The following AGO1 variants were observed in gnomAD, a reference collection of about 807,000 sequenced individuals.
AGO1 encodes the protein argonaute RISC component 1, also known as protein argonaute-1.
In AGO1, 11 loss-of-function variants were observed where a neutral mutation model predicts 109.2. The ratio of observed to expected loss-of-function variants is 0.10; its 90% confidence interval spans 0.06 to 0.17. AGO1 has a LOEUF of 0.17. Ranked by LOEUF, AGO1 falls within the 10% of genes least tolerant of loss-of-function variation. The pLI, the probability that AGO1 is intolerant of heterozygous loss-of-function variation, is 1.00. For missense variants in AGO1, 574 were observed against 1,140.3 expected (o/e 0.50, Z 7.15); for synonymous variants, 422 against 418.6 (o/e 1.01, Z -0.10).
chr1:35,870,120 A>G (rs947596850), intron 1 of AGO1, among the ~76,000 whole-genome samples: 2 of 151,956 alleles, frequency 1.3e-5, no homozygotes, highest in Non-Finnish European at 2.9e-5. Flanking sequence ...TTTATCACCC[A>G]AGCGTTCCTG....
At chr1:35,908,992 A>G (rs770867720) in intron 12 of AGO1, among the ~76,000 whole-genome samples, 8 of 151,776 alleles carry the variant, frequency 5.3e-5, no homozygotes, top group South Asian at 2.1e-4. Flanking sequence ...TAATTTTTAT[A>G]TTTTTAGTAC....
Position 35,901,905 on chromosome 1 carries a change from C to T in AGO1, c.1141-43C>T, listed in dbSNP as rs1645423460. The T allele has an allele frequency of 6.5e-7, 1 of 1,546,782 alleles. No individual in the cohort carries two copies. The highest frequency in any genetic ancestry group is 8.7e-7 in the Non-Finnish European group (1 of 1,147,326). The stretch of plus-strand genomic sequence containing the variant: ...GATACCCAGAGGGTGAGCAGTATTG[C>T]CAAGCTCCTGTTCTCCTGAGATTGC... On this transcript the variant is annotated intron_variant, in intron 9 of 18. Transcript: ENST00000373204. The surrounding 1 kb of genome is among the most constrained non-coding windows in gnomAD (Gnocchi z 4.8).
rs899277604 is a variant in AGO1, at chr1:35,902,999, CTTTT to C, written c.1397+683_1397+686del. ...AAGTCAACAACCCCTCACCTGGAGT[CTTTT>C]TTTTTTTTTTTTTTTTTTTTAAGAC... On this transcript the variant is annotated intron_variant, in intron 11 of 18. Coordinates refer to ENST00000373204, the MANE Select transcript of AGO1 (RefSeq NM_012199.5). 2.8e-4 allele frequency among the ~76,000 whole-genome samples: 31 copies of C among 108,792 alleles called. 1 individual carries two copies. Among genetic ancestry groups the C allele is most frequent in the African/African-American group, 9.9e-4 (29 of 29,370 alleles). 71.4% of individuals were successfully genotyped at this position (108,792 alleles called of 152,430 possible).
intron 11 of AGO1, among the ~76,000 whole-genome samples, chr1:35,904,796 G>A (rs572419351): frequency 6.6e-6 from 1 of 152,288 alleles, no homozygotes; most frequent in East Asian, 1.9e-4. Context: ...AGTAAGCAGA[G>A]ATTGAAGATA....
upstream of AGO1, among the ~76,000 whole-genome samples, chr1:35,879,709 TG>T (rs1364070365): frequency 9.3e-6 from 1 of 107,834 alleles, no homozygotes; most frequent in East Asian, 3.2e-4. Flanking sequence ...CACTCCAGCC[TG>T]GGCGACAGAG....
rs547802847 is a variant in AGO1 at position 35,883,335 on chromosome 1, C to T, written c.-87C>T. On this transcript the variant is annotated 5_prime_UTR_variant, in exon 1 of 19. Transcript: ENST00000373204. This position sits in a 1 kb window ranked among gnomAD's most constrained non-coding sequence, Gnocchi z 5.4. ...GGGGAGCCGAGCCCGGCCCGGGATC[C>T]CGAGCAGCGAGAGTGTGGGGTACCT... 3.0e-5 allele frequency: 46 copies of T among 1,537,860 alleles called. No homozygotes were observed. The East Asian group carries it at 1.1e-3, about 38-fold the overall frequency.
chr1:35,885,058 C>G (rs1462976111), intron 1 of AGO1, among the ~76,000 whole-genome samples: 2 of 145,194 alleles, frequency 1.4e-5, no homozygotes, highest in African/African-American at 5.0e-5. Flanking sequence ...TTAGTGATCT[C>G]TAAGTACTTA....
At chr1:35,908,783 T>C (rs1339401890) in intron 12 of AGO1, among the ~76,000 whole-genome samples, 1 of 151,802 alleles carries the variant, frequency 6.6e-6, no homozygotes, top group Non-Finnish European at 1.5e-5. Context: ...GCCCTGCTCT[T>C]GATCCACACT....
Position 35,895,163 on chromosome 1 carries a change from C to T in AGO1, c.914C>T (p.Thr305Ile). 1 of 1,613,892 alleles carries T rather than the reference C, an allele frequency of 6.2e-7. No homozygotes were observed. The highest frequency in any genetic ancestry group is 8.5e-7 in the Non-Finnish European group (1 of 1,179,910). ...QLESGQTVEC[T>I]VAQYFKQKYN... is the part of the protein sequence containing the mutation. Reference sequence around the variant, plus strand: ...GAGAGTGGACAGACTGTGGAGTGCACAGTGGCACAGTATTTCAAGCAGAAA... The same window carrying T: ...GAGAGTGGACAGACTGTGGAGTGCATAGTGGCACAGTATTTCAAGCAGAAA... The change falls in exon 8 of 19, where the codon ACA becomes ATA. Residue 305 changes from threonine (T) to isoleucine (I), a missense_variant. Physicochemically the swap from Thr to Ile is moderately conservative, Grantham distance 89 (BLOSUM62 -1). This residue lies in a region of AGO1 where 42 missense variants were observed against 142.4 expected (regional missense o/e 0.29). Coordinates refer to ENST00000373204, the MANE Select transcript of AGO1 (RefSeq NM_012199.5).
intron 8 of AGO1, among the ~76,000 whole-genome samples, chr1:35,897,186 A>G (rs1645335644): frequency 6.6e-6 from 1 of 152,336 alleles, no homozygotes; most frequent in South Asian, 2.1e-4. Flanking sequence ...GATAAGTGCT[A>G]TAAGAATAAT....
In AGO1 at chr1:35,893,492, C is replaced by T. The variant is rs906246971; in HGVS notation, c.513-182C>T. ...TATCTTTGGGCCTCATCCCATCTGT[C>T]CCTGCAGGGCAGAGAGAAGGTAGAA... On this transcript the variant is annotated intron_variant, in intron 4 of 18. Transcript: ENST00000373204. This position sits in a 1 kb window ranked among gnomAD's most constrained non-coding sequence, Gnocchi z 5.6. 1.2e-6 allele frequency: 1 copy of T among 808,870 alleles called. No individual in the cohort carries two copies. The highest frequency in any genetic ancestry group is 1.7e-5 in the African/African-American group (1 of 57,682). 50.1% of individuals were successfully genotyped at this position (808,870 alleles called of 1,614,324 possible). A position where few individuals can be genotyped will look rare whatever the true frequency, so the allele number is the denominator to read the frequency against.
Position 35,915,396 on chromosome 1 carries a change from C to T in AGO1, c.1882C>T (p.Arg628Trp), listed in dbSNP as rs746534916. ...AHPSRYCATV[R>W]VQRPRQEIIE... ...CCCCAGCCGATACTGTGCTACTGTG[C>T]GGGTACAGCGACCACGGCAAGAGAT... Residue 628 changes from arginine to tryptophan, a missense_variant, in exon 15 of 19, where the codon CGG (arginine) becomes TGG (tryptophan). Physicochemically the swap from Arg to Trp is moderately radical, Grantham distance 101. This residue lies in a region of AGO1 where 68 missense variants were observed against 200.2 expected (regional missense o/e 0.34). Transcript: ENST00000373204. The T allele has an allele frequency of 6.2e-7, 1 of 1,614,024 alleles. No homozygotes were observed.
chr1:35,893,876 CCTCCCAG>C lies in AGO1; in HGVS notation c.649+70_649+76del. 4 of 1,563,162 alleles carry C rather than the reference CCTCCCAG, an allele frequency of 2.6e-6. No individual in the cohort carries two copies. The highest frequency in any genetic ancestry group is 3.5e-6 in the Non-Finnish European group (4 of 1,150,074). ...CAGTGACCACACTCCCAGCCTCATC[CCTCCCAG>C]CTCTGCAACCACACTCCTAGTCTAA... On this transcript the variant is annotated intron_variant, in intron 5 of 18. Transcript: ENST00000373204. The surrounding 1 kb of genome is among the most constrained non-coding windows in gnomAD (Gnocchi z 5.6).
At position 35,930,052 on chromosome 1, in the gene AGO1, TATGA is replaced by T. The variant is rs927327408; in HGVS notation, c.*10450_*10453del. The T allele has an allele frequency of 5.3e-5, 8 of 152,206 alleles. No individual in the cohort carries two copies. Among genetic ancestry groups the T allele is most frequent in the Non-Finnish European group, 1.2e-4 (8 of 68,034 alleles). 9.4% of individuals were successfully genotyped at this position (152,206 alleles called of 1,614,324 possible). ...GAAGCATAGGGACATGGGGAGAAAT[TATGA>T]ATGATTCCTCAGCCTGAATAAAATA... On this transcript the variant is annotated 3_prime_UTR_variant, in exon 19 of 19. Transcript: ENST00000373204.
At chr1:35,881,700 T>A (rs1221568350), upstream of AGO1, among the ~76,000 whole-genome samples, 1 of 152,248 alleles carries the variant, frequency 6.6e-6, no homozygotes, top group African/African-American at 2.4e-5. Flanking sequence ...AGGCATGGTA[T>A]AAGTGTCAGA....
rs1645877531 is a variant in AGO1, at chr1:35,923,864, C to G, written c.*4257C>G. ...TTACAGAGGAAAATAGGAAACCCTC[C>G]AAGAATTGTGCAAGTAAAGACATTT... On this transcript the variant is annotated 3_prime_UTR_variant, in exon 19 of 19. Transcript: ENST00000373204. 1 of 152,578 alleles carries G rather than the reference C, an allele frequency of 6.6e-6. No individual in the cohort carries two copies. Among genetic ancestry groups the G allele is most frequent in the East Asian group, 1.9e-4 (1 of 5,200 alleles). 9.5% of individuals were successfully genotyped at this position (152,578 alleles called of 1,614,324 possible).
rs570501842 is a variant in AGO1 at position 35,920,582 on chromosome 1, A to G, written c.*975A>G. On this transcript the variant is annotated 3_prime_UTR_variant, in exon 19 of 19. Transcript: ENST00000373204. Reference sequence around the variant, plus strand: ...CTTTTTAAAAGATCACAACCTCAAGATGGTTAAAATCCATTGACATTTGCA... The same window carrying G: ...CTTTTTAAAAGATCACAACCTCAAGGTGGTTAAAATCCATTGACATTTGCA... 1.3e-5 allele frequency: 2 copies of G among 152,614 alleles called. No individual in the cohort carries two copies. The highest frequency in any genetic ancestry group is 1.9e-4 in the East Asian group (1 of 5,174). 9.5% of individuals were successfully genotyped at this position (152,614 alleles called of 1,614,324 possible). A position where few individuals can be genotyped will look rare whatever the true frequency, so the allele number is the denominator to read the frequency against.
At chr1:35,875,383 A>ATT (rs373974829) in intron 1 of AGO1, among the ~76,000 whole-genome samples, 14 of 145,676 alleles carry the variant, frequency 9.6e-5, no homozygotes, top group African/African-American at 2.8e-4. Context: ...ATGATAGCAC[A>ATT]TTTTTTTTTT....
At position 35,921,695 on chromosome 1, in the gene AGO1, TC is replaced by T. The variant is rs1645836891; in HGVS notation, c.*2089del. On this transcript the variant is annotated 3_prime_UTR_variant, in exon 19 of 19. Coordinates refer to ENST00000373204, the MANE Select transcript of AGO1 (RefSeq NM_012199.5). ...GTTCTGTTCTGGTTGGCTACATTGTTCAGCAACTCACAAAACGTAGCACAAA... is the reference window on the plus strand; with the variant it reads ...GTTCTGTTCTGGTTGGCTACATTGTTAGCAACTCACAAAACGTAGCACAAA... 1 of 152,706 alleles carries T rather than the reference TC, an allele frequency of 6.5e-6. No homozygotes were observed. Among genetic ancestry groups the T allele is most frequent in the Admixed American group, 6.5e-5 (1 of 15,294 alleles). The allele number at this position is 152,706 out of a possible 1,614,324, so 9.5% of individuals were successfully genotyped here. A position where few individuals can be genotyped will look rare whatever the true frequency, so the allele number is the denominator to read the frequency against.
Sources: allele counts gnomAD v4.1 joint callset (sites outside exome capture counted in the v4.1 genomes callset), GRCh38; gene constraint gnomAD v4.1.1; regional missense constraint gnomAD v4.1.1; non-coding constraint Gnocchi (gnomAD v3.1); transcripts MANE v1.5; gene names NCBI Gene and HGNC (gene_info 2026-07-23, HGNC 2026-07-21).